The following ANK1 variants were observed in gnomAD, a reference collection of about 807,000 sequenced individuals.
The protein encoded by ANK1 is ankyrin 1.
ANK1 carries 51 observed loss-of-function variants against 210.4 expected under a neutral mutation model. The observed-to-expected ratio is 0.24, with a 90% CI of 0.19 to 0.31. The LOEUF is 0.31. ANK1 is among the 10% of genes least tolerant of loss of function. ANK1 has a pLI of 1.00. For missense variants in ANK1, 2,051 were observed against 2,504.4 expected (o/e 0.82, Z 3.86); for synonymous variants, 967 against 1,025.9 (o/e 0.94, Z 1.10).
rs1214281784 is a variant in ANK1 at position 41,727,804 on chromosome 8, AGT to A, written c.327+102_327+103del. The A allele has an allele frequency of 1.4e-5, 14 of 1,031,700 alleles. No homozygotes were observed. In the South Asian group the frequency reaches 1.6e-4, roughly 11 times the overall value. 63.9% of individuals were successfully genotyped at this position (1,031,700 alleles called of 1,614,324 possible). ...AGAAATCTAGGCCCTGCCCCACAGTAGTGTGTGTGTTAACACGGCTGCCAATG... is the reference window on the plus strand; with the variant it reads ...AGAAATCTAGGCCCTGCCCCACAGTAGTGTGTGTTAACACGGCTGCCAATG... On this transcript the variant is annotated intron_variant, in intron 4 of 42. Coordinates refer to ENST00000289734, the MANE Select transcript of ANK1 (RefSeq NM_000037.4).
At position 41,693,773 on chromosome 8, in the gene ANK1, C is replaced by CCA. The variant is rs1433286790; in HGVS notation, c.3532+124_3532+125insTG. 7.4e-3 allele frequency: 8,026 copies of CCA among 1,085,760 alleles called. 388 individuals carry two copies. In the African/African-American group the frequency reaches 0.11, roughly 15 times the overall value. The allele number at this position is 1,085,760 out of a possible 1,614,324, so 67.3% of individuals were successfully genotyped here. ...CCTTCCATCTCTTGGAAGAGCACCT[C>CCA]ACTCCCGGGGAAGTCAACAAAAACT... On this transcript the variant is annotated intron_variant, in intron 29 of 42. Transcript: ENST00000289734.
chr8:41,676,260 C>G (rs1425226046), intron 37 of ANK1, among the ~76,000 whole-genome samples: 1 of 152,176 alleles, frequency 6.6e-6, no homozygotes, highest in Non-Finnish European at 1.5e-5. Flanking sequence ...ATATGGCCAG[C>G]CTTTTTAATT....
chr8:41,890,708 C>CAAAAAAAA (rs557921949), intron 1 of ANK1, among the ~76,000 whole-genome samples: 9 of 62,650 alleles, frequency 1.4e-4, no homozygotes, highest in Admixed American at 7.0e-4. Context: ...GACTCCGTCT[C>CAAAAAAAA]AAAAAAAAAA....
At chr8:41,757,614 G>A (rs930348389) in intron 2 of ANK1, among the ~76,000 whole-genome samples, 3 of 152,168 alleles carry the variant, frequency 2.0e-5, no homozygotes, top group Admixed American at 6.5e-5. Flanking sequence ...ACACAAGCGG[G>A]GCCTCGTTCC....
intron 38 of ANK1, among the ~76,000 whole-genome samples, chr8:41,671,541 G>T (rs951211312): frequency 1.3e-5 from 2 of 151,982 alleles, no homozygotes; most frequent in African/African-American, 4.8e-5. Flanking sequence ...GTGCACTAAT[G>T]GCTCTAAGTG....
chr8:41,752,587 C>T (rs550009388), intron 2 of ANK1, among the ~76,000 whole-genome samples: 5 of 152,160 alleles, frequency 3.3e-5, no homozygotes, highest in Non-Finnish European at 7.4e-5. Context: ...TTCCACACAC[C>T]GGTCTGCTCC....
intron 3 of ANK1, among the ~76,000 whole-genome samples, chr8:41,733,730 C>T (rs970366425): frequency 1.3e-5 from 2 of 152,140 alleles, no homozygotes; most frequent in Admixed American, 6.5e-5. Flanking sequence ...ATAAAGCCAT[C>T]AGGAAAGGGC....
intron 1 of ANK1, among the ~76,000 whole-genome samples, chr8:41,809,801 C>T (rs1802211980): frequency 6.6e-6 from 1 of 152,184 alleles, no homozygotes; most frequent in Non-Finnish European, 1.5e-5. Flanking sequence ...AATTGAAACT[C>T]AGAAAATCAA....
intron 1 of ANK1, among the ~76,000 whole-genome samples, chr8:41,858,393 A>G (rs993001411): frequency 6.6e-6 from 1 of 152,188 alleles, no homozygotes; most frequent in South Asian, 2.1e-4. Flanking sequence ...ACCTAGGCCA[A>G]GAGGGTGATG....
chr8:41,838,789 A>AATC (rs1409302111), intron 1 of ANK1, among the ~76,000 whole-genome samples: 1 of 148,434 alleles, frequency 6.7e-6, no homozygotes, highest in Non-Finnish European at 1.5e-5. Context: ...TAATAATAAT[A>AATC]ATAAAGGCCG....
intron 42 of ANK1, among the ~76,000 whole-genome samples, chr8:41,657,036 C>T (rs533142091): frequency 5.9e-5 from 9 of 152,308 alleles, no homozygotes; most frequent in Admixed American, 2.6e-4. Flanking sequence ...CCTTCGGTCA[C>T]GCTTCTGTCA....
rs76006795 is a variant in ANK1, at chr8:41,751,792, C to T, written c.129+6244G>A. ...TCTGAGTCTATCCTCCACACAGCAG[C>T]GAGGGCAATTGTTTAGAAACCTCCA... On this transcript the variant is annotated intron_variant, in intron 2 of 42. Transcript: ENST00000289734. Among the ~76,000 whole-genome samples the T allele has an allele frequency of 4.5e-3, 679 of 152,218 alleles. 5 individuals carry two copies. The highest frequency in any genetic ancestry group is 0.016 in the African/African-American group (651 of 41,526).
intron 1 of ANK1, among the ~76,000 whole-genome samples, chr8:41,795,284 G>A (rs11986396): frequency 0.084 from 12,829 of 152,002 alleles, 831 homozygotes; most frequent in African/African-American, 0.18. Flanking sequence ...AGGCTGAAGC[G>A]GGTGGATCAC....
intron 39 of ANK1, among the ~76,000 whole-genome samples, chr8:41,667,258 C>T (rs1466817287): frequency 6.6e-6 from 1 of 152,140 alleles, no homozygotes; most frequent in Non-Finnish European, 1.5e-5. Flanking sequence ...GGCCTTCCTT[C>T]CAGAGCCACC....
chr8:41,884,798 C>T (rs1818176150), intron 1 of ANK1, among the ~76,000 whole-genome samples: 1 of 152,156 alleles, frequency 6.6e-6, no homozygotes, highest in Non-Finnish European at 1.5e-5. Context: ...TGCCACTGCA[C>T]TCCAGCCTGG....
chr8:41,748,832 A>C (rs10103896), intron 2 of ANK1, among the ~76,000 whole-genome samples: 3 of 152,104 alleles, frequency 2.0e-5, no homozygotes, highest in Non-Finnish European at 4.4e-5. Context: ...TCAGGAGATC[A>C]AGACCATCCC....
At chr8:41,723,320 A>G in intron 8 of ANK1, 97 bp from the exon 9 acceptor site, 7 of 1,354,210 alleles carry the variant, frequency 5.2e-6, no homozygotes, top group Non-Finnish European at 7.4e-6. Flanking sequence ...AGCCCACGCA[A>G]GTGCTGACGT....
At chr8:41,802,520 A>T (rs915687389), upstream of ANK1, among the ~76,000 whole-genome samples, 5 of 152,226 alleles carry the variant, frequency 3.3e-5, no homozygotes, top group Non-Finnish European at 7.3e-5. Context: ...CTATAAGTCT[A>T]TCTCAGTACT....
intron 1 of ANK1, among the ~76,000 whole-genome samples, chr8:41,827,095 G>A (rs553755529): frequency 6.6e-6 from 1 of 152,326 alleles, no homozygotes; most frequent in South Asian, 2.1e-4. Context: ...CAGCAACCTT[G>A]TCTTACACAT....
Sources: allele counts gnomAD v4.1 joint callset (sites outside exome capture counted in the v4.1 genomes callset), GRCh38; gene constraint gnomAD v4.1.1; transcripts MANE v1.5; gene names NCBI Gene and HGNC (gene_info 2026-07-23, HGNC 2026-07-21).